The following COL27A1 variants were observed in gnomAD, a reference collection of about 807,000 sequenced individuals.
The protein encoded by COL27A1 is collagen alpha-1(XXVII) chain.
A neutral mutation model predicts 251.3 loss-of-function variants in COL27A1; 106 were observed. That is an observed-to-expected ratio of 0.42 (90% CI 0.36 to 0.50). The LOEUF is 0.50. Ranked by LOEUF, COL27A1 falls within the 20% of genes least tolerant of loss-of-function variation. The pLI, the probability that COL27A1 is intolerant of heterozygous loss-of-function variation, is 0.00. For missense variants in COL27A1, 2,325 were observed against 2,522.8 expected, an observed-to-expected ratio of 0.92 and a Z score of 1.68; for synonymous variants, 1,000 against 986.3, an observed-to-expected ratio of 1.01 and a Z score of -0.26.
chr9:114,184,444 A>C (rs1828172843), intron 5 of COL27A1, among the ~76,000 whole-genome samples: 1 of 152,190 alleles, frequency 6.6e-6, no homozygotes, highest in Non-Finnish European at 1.5e-5. Context: ...GTGGTGTCAG[A>C]GTCTTGGGGC....
Position 114,290,660 on chromosome 9 carries a change from GC to G in COL27A1, c.4369-148del. The G allele has an allele frequency of 1.5e-6, 1 of 645,274 alleles. No individual in the cohort carries two copies. 40.0% of individuals were successfully genotyped at this position (645,274 alleles called of 1,614,324 possible). On this transcript the variant is annotated intron_variant, in intron 47 of 60. Transcript: ENST00000356083. This position sits in a 1 kb window ranked among gnomAD's most constrained non-coding sequence, Gnocchi z 4.6. ...CAGCTCCTCCTGTCCTCCTGGTCCA[GC>G]CACATCACACACAGGCCGTCTGACC...
intron 17 of COL27A1, among the ~76,000 whole-genome samples, chr9:114,236,552 G>A (rs895732027): frequency 3.9e-5 from 6 of 152,150 alleles, no homozygotes; most frequent in African/African-American, 1.4e-4. Context: ...GCCAGTCAAC[G>A]AGGCCCAGAT....
chr9:114,203,042 A>G (rs1264555581), intron 7 of COL27A1, among the ~76,000 whole-genome samples: 2 of 152,212 alleles, frequency 1.3e-5, no homozygotes, highest in Non-Finnish European at 2.9e-5. Context: ...TTGTTGTGCA[A>G]TCAATATCCA....
chr9:114,285,677 C>T (rs116591696), intron 41 of COL27A1, among the ~76,000 whole-genome samples: 4 of 152,172 alleles, frequency 2.6e-5, no homozygotes, highest in Admixed American at 2.0e-4. Flanking sequence ...CCATGGTAGA[C>T]GGCCACCCGC....
intron 23 of COL27A1, among the ~76,000 whole-genome samples, chr9:114,243,849 A>G (rs1390246768): frequency 6.6e-6 from 1 of 151,730 alleles, no homozygotes; most frequent in South Asian, 2.1e-4. Context: ...GGTGGAGGAA[A>G]CAGGTTATAA....
intron 49 of COL27A1, among the ~76,000 whole-genome samples, chr9:114,299,175 CTCAT>C (rs1413916873): frequency 6.6e-6 from 1 of 152,222 alleles, no homozygotes; most frequent in African/African-American, 2.4e-5. Context: ...CCTGCCTGGT[CTCAT>C]TGCATCCTTC....
At position 114,311,051 on chromosome 9, in the gene COL27A1, G is replaced by A. The variant is rs1445527150; in HGVS notation, c.*356G>A. ...TCAAGCCAACTTGAGGGAAGGGGGC[G>A]TCTCGTCAGCTGGTCCCTGCTAGGG... On this transcript the variant is annotated 3_prime_UTR_variant, in exon 61 of 61. Coordinates refer to ENST00000356083, the MANE Select transcript of COL27A1 (RefSeq NM_032888.4). 8.6e-6 allele frequency: 2 copies of A among 233,496 alleles called. No individual in the cohort carries two copies. The highest frequency in any genetic ancestry group is 1.1e-4 in the South Asian group (1 of 9,280). 14.5% of individuals were successfully genotyped at this position (233,496 alleles called of 1,614,324 possible).
intron 49 of COL27A1, among the ~76,000 whole-genome samples, chr9:114,298,074 G>A (rs527299245): frequency 1.3e-5 from 2 of 151,714 alleles, no homozygotes; most frequent in Non-Finnish European, 2.9e-5. Flanking sequence ...GCTGAAATGG[G>A]AGAATCTCTT....
At chr9:114,242,887 A>G (rs1043331268) in intron 22 of COL27A1, among the ~76,000 whole-genome samples, 8 of 152,192 alleles carry the variant, frequency 5.3e-5, no homozygotes, top group Non-Finnish European at 8.8e-5. Flanking sequence ...TCCATAGCAA[A>G]ATAATTGAGT....
upstream of COL27A1, among the ~76,000 whole-genome samples, chr9:114,154,189 C>T (rs2134966311): frequency 6.6e-6 from 1 of 152,098 alleles, no homozygotes; most frequent in African/African-American, 2.4e-5. The surrounding 1 kb of genome is among the most constrained non-coding windows in gnomAD (Gnocchi z 5.8). Context: ...ACCGGGTCGG[C>T]GGCGCAGTCC....
intron 10 of COL27A1, among the ~76,000 whole-genome samples, chr9:114,209,255 A>C (rs367931498): frequency 2.0e-5 from 3 of 152,170 alleles, no homozygotes; most frequent in Admixed American, 2.0e-4. Flanking sequence ...TAAGCCCTAC[A>C]TCCAGGACCT....
At chr9:114,278,998 G>A (rs1022793870) in intron 37 of COL27A1, among the ~76,000 whole-genome samples, 13 of 152,126 alleles carry the variant, frequency 8.5e-5, no homozygotes, top group African/African-American at 2.7e-4. Context: ...GAGAGGGCAC[G>A]TCCCAGCAAG....
intron 9 of COL27A1, among the ~76,000 whole-genome samples, chr9:114,206,030 C>T (rs931105434): frequency 1.3e-5 from 2 of 152,154 alleles, no homozygotes; most frequent in African/African-American, 4.8e-5. Flanking sequence ...TTCTGCGGGG[C>T]TGGGGCTCCA....
chr9:114,241,085 C>A lies in COL27A1; in HGVS notation c.2835+598C>A, dbSNP rs563083919. 2.0e-5 allele frequency among the ~76,000 whole-genome samples: 3 copies of A among 152,344 alleles called. No homozygotes were observed. The South Asian group carries it at 6.2e-4, about 32-fold the overall frequency. On this transcript the variant is annotated intron_variant, in intron 21 of 60. Transcript: ENST00000356083. ...GCACAATTAGTTAGTGGCAGAGCATCGATTTGCTTATTTATGTGCGCTGGA... is the reference window on the plus strand; with the variant it reads ...GCACAATTAGTTAGTGGCAGAGCATAGATTTGCTTATTTATGTGCGCTGGA...
chr9:114,202,178 C>T (rs549062456), intron 7 of COL27A1, among the ~76,000 whole-genome samples: 1 of 152,356 alleles, frequency 6.6e-6, no homozygotes, highest in South Asian at 2.1e-4. Context: ...TACTTGAAAT[C>T]TTCTCCTGGG....
chr9:114,291,767 A>C (rs1356959124), intron 48 of COL27A1, among the ~76,000 whole-genome samples: 1 of 152,114 alleles, frequency 6.6e-6, no homozygotes. Context: ...AAAATAAATA[A>C]ATAAATGGGG....
At position 114,237,710 on chromosome 9, in the gene COL27A1, C is replaced by T. The variant is rs1406137929; in HGVS notation, c.2722C>T (p.Pro908Ser). 6.2e-7 allele frequency: 1 copy of T among 1,613,834 alleles called. No homozygotes were observed. The highest frequency in any genetic ancestry group is 8.5e-7 in the Non-Finnish European group (1 of 1,179,708). Residue 908 changes from proline (P) to serine (S), a missense_variant, in exon 19 of 61, where the codon CCC (proline) becomes TCC (serine). Around this residue, in one of 4 missense-constraint regions of COL27A1, gnomAD observed 662 missense variants for 795.3 expected, o/e 0.83. Coordinates refer to ENST00000356083, the MANE Select transcript of COL27A1 (RefSeq NM_032888.4). ...GSIGFPGPPG[P>S]EGFPGDIGPP... ...CATTGGGTTTCCCGGGCCCCCTGGA[C>T]CCGAGGTATGTGATGCCCCATTTCT...
At chr9:114,273,715 C>T (rs56187009) in intron 36 of COL27A1, 24,807 of 152,292 alleles carry the variant, frequency 0.16, 2,222 homozygotes, top group African/African-American at 0.19. Context: ...TCCAAGCCTG[C>T]TCTTCTCGCC....
At chr9:114,220,905 G>C (rs955522184) in intron 13 of COL27A1, among the ~76,000 whole-genome samples, 1 of 149,500 alleles carries the variant, frequency 6.7e-6, no homozygotes, top group African/African-American at 2.5e-5. Flanking sequence ...TGATGGGGGA[G>C]AATTGCTTGA....
Sources: gnomAD v4.1 joint callset for allele counts (sites outside exome capture counted in the v4.1 genomes callset) on GRCh38, gnomAD v4.1.1 for gene constraint, gnomAD v4.1.1 regional missense constraint, Gnocchi (gnomAD v3.1) non-coding constraint, MANE v1.5 for transcripts, NCBI Gene and HGNC (gene_info 2026-07-23, HGNC 2026-07-21) for gene names.